Variants in INPP4B observed in about 807,000 individuals in gnomAD.
INPP4B encodes inositol polyphosphate 4-phosphatase type II.
Under a neutral mutation model 122.5 loss-of-function variants are expected in INPP4B, and 55 were observed. The ratio of observed to expected loss-of-function variants is 0.45; its 90% confidence interval spans 0.36 to 0.56. The LOEUF is 0.56. INPP4B is among the 20% of genes least tolerant of loss of function. The pLI, the probability that INPP4B is intolerant of heterozygous loss-of-function variation, is 0.00. For missense variants in INPP4B, 1,000 were observed against 1,097.7 expected (o/e 0.91, Z 1.26); for synonymous variants, 403 against 388.7 (o/e 1.04, Z -0.43).
intron 2 of INPP4B, among the ~76,000 whole-genome samples, chr4:142,696,336 C>T (rs1761020875): frequency 6.6e-6 from 1 of 152,132 alleles, no homozygotes; most frequent in Non-Finnish European, 1.5e-5. Context: ...TGCAACAACC[C>T]ACCTTGTTCC....
At chr4:142,390,272 TAA>T (rs1278729508) in intron 7 of INPP4B, among the ~76,000 whole-genome samples, 1 of 152,128 alleles carries the variant, frequency 6.6e-6, no homozygotes, top group Non-Finnish European at 1.5e-5. Flanking sequence ...TAGAAGATAA[TAA>T]AAATGTTTTT....
intron 24 of INPP4B, among the ~76,000 whole-genome samples, chr4:142,084,715 A>G (rs940025942): frequency 1.3e-5 from 2 of 152,176 alleles, no homozygotes; most frequent in African/African-American, 4.8e-5. Flanking sequence ...TATTTTAGAA[A>G]TGTGTGGGAT....
chr4:142,350,295 T>A (rs2151799851), intron 7 of INPP4B, among the ~76,000 whole-genome samples: 1 of 152,162 alleles, frequency 6.6e-6, no homozygotes, highest in East Asian at 1.9e-4. Context: ...TTCTCTTCAA[T>A]AATTGCTGTC....
chr4:142,582,776 G>T (rs1735376774), intron 2 of INPP4B, among the ~76,000 whole-genome samples: 5 of 152,094 alleles, frequency 3.3e-5, no homozygotes, highest in Admixed American at 3.3e-4. Flanking sequence ...CTGATCTGTG[G>T]CTGCTAAATT....
At chr4:142,235,464 G>A (rs1579384804) in intron 12 of INPP4B, among the ~76,000 whole-genome samples, 1 of 151,802 alleles carries the variant, frequency 6.6e-6, no homozygotes, top group South Asian at 2.1e-4. Context: ...CTCTGTCGCC[G>A]AGGCTGGAGT....
At chr4:142,125,753 C>A (rs2152764090) in intron 18 of INPP4B, among the ~76,000 whole-genome samples, 1 of 152,212 alleles carries the variant, frequency 6.6e-6, no homozygotes, top group African/African-American at 2.4e-5. Flanking sequence ...GTACTACTCA[C>A]ACACTACTCA....
chr4:142,744,676 AT>A (rs1768425971), intron 1 of INPP4B, among the ~76,000 whole-genome samples: 1 of 151,974 alleles, frequency 6.6e-6, no homozygotes, highest in Middle Eastern at 3.4e-3. Flanking sequence ...TCTAATAAAA[AT>A]ATCCTTCAAA....
chr4:142,796,306 C>T (rs943619112), intron 1 of INPP4B, among the ~76,000 whole-genome samples: 3 of 151,696 alleles, frequency 2.0e-5, no homozygotes, highest in South Asian at 2.1e-4. Flanking sequence ...GACAACAGTG[C>T]CATGAAAATG....
At chr4:142,793,414 AG>A (rs1406664973) in intron 1 of INPP4B, among the ~76,000 whole-genome samples, 1 of 152,092 alleles carries the variant, frequency 6.6e-6, no homozygotes, top group Non-Finnish European at 1.5e-5. Flanking sequence ...AACTATGAGC[AG>A]GATGCATATT....
intron 1 of INPP4B, among the ~76,000 whole-genome samples, chr4:142,731,368 A>T (rs1192247128): frequency 6.6e-6 from 1 of 152,226 alleles, no homozygotes; most frequent in East Asian, 1.9e-4. Context: ...TGCCAGGCAT[A>T]GCATTTGCCT....
At chr4:142,643,796 TA>T (rs1170211514) in intron 2 of INPP4B, among the ~76,000 whole-genome samples, 1 of 152,148 alleles carries the variant, frequency 6.6e-6, no homozygotes, top group Non-Finnish European at 1.5e-5. Flanking sequence ...AACAAATTAT[TA>T]AATAGTAAGT....
chr4:142,367,963 C>T (rs1788203616), intron 7 of INPP4B, among the ~76,000 whole-genome samples: 1 of 152,190 alleles, frequency 6.6e-6, no homozygotes, highest in South Asian at 2.1e-4. Context: ...AACAAATGTG[C>T]CTATCACCCA....
intron 2 of INPP4B, among the ~76,000 whole-genome samples, chr4:142,466,509 T>G (rs1235795420): frequency 2.0e-5 from 3 of 152,144 alleles, no homozygotes; most frequent in African/African-American, 7.2e-5. Flanking sequence ...TGACTTAAAG[T>G]TAGAACTTAC....
At chr4:142,750,939 A>G (rs1012490758) in intron 1 of INPP4B, among the ~76,000 whole-genome samples, 12 of 152,152 alleles carry the variant, frequency 7.9e-5, no homozygotes, top group African/African-American at 2.9e-4. Context: ...AAAATATCAG[A>G]TGAGAAAACT....
At chr4:142,046,695 G>T (rs1039035385) in intron 25 of INPP4B, among the ~76,000 whole-genome samples, 3 of 152,062 alleles carry the variant, frequency 2.0e-5, no homozygotes, top group African/African-American at 7.2e-5. Context: ...TACTCTGTAT[G>T]TACTGGGGAG....
intron 9 of INPP4B, among the ~76,000 whole-genome samples, chr4:142,294,501 C>T (rs1234336383): frequency 6.6e-6 from 1 of 151,898 alleles, no homozygotes; most frequent in East Asian, 1.9e-4. Flanking sequence ...AGATATCTTC[C>T]TTGGACAAGG....
intron 7 of INPP4B, among the ~76,000 whole-genome samples, chr4:142,319,708 A>G (rs1306053088): frequency 2.6e-5 from 4 of 152,200 alleles, no homozygotes; most frequent in African/African-American, 7.2e-5. Context: ...TACATAAAGG[A>G]GTCCAGTCTT....
rs544648400 is a variant in INPP4B, at chr4:142,283,438, G to A, written c.504-12664C>T. On this transcript the variant is annotated intron_variant, in intron 9 of 25. Coordinates refer to ENST00000262992, the MANE Select transcript of INPP4B (RefSeq NM_001101669.3). Reference sequence around the variant, plus strand: ...AGAGCTATAAGAACAGTCATGCGTTGCTAGATGACAGAATATATTCTAAGA... The same window carrying A: ...AGAGCTATAAGAACAGTCATGCGTTACTAGATGACAGAATATATTCTAAGA... Among the ~76,000 whole-genome samples, 3 of 152,238 alleles carry A rather than the reference G, an allele frequency of 2.0e-5. No homozygotes were observed. In the South Asian group the frequency reaches 6.2e-4, roughly 32 times the overall value.
At chr4:142,249,877 T>C (rs1225111674) in intron 11 of INPP4B, among the ~76,000 whole-genome samples, 1 of 152,168 alleles carries the variant, frequency 6.6e-6, no homozygotes, top group Non-Finnish European at 1.5e-5. Context: ...TCCCCTTCTA[T>C]ACAGTCAAGA....
Sources: allele counts gnomAD v4.1 joint callset (sites outside exome capture counted in the v4.1 genomes callset), GRCh38; gene constraint gnomAD v4.1.1; transcripts MANE v1.5; gene names NCBI Gene and HGNC (gene_info 2026-07-23, HGNC 2026-07-21).